Variants in ADGRV1 observed in about 807,000 individuals in gnomAD.
The protein encoded by ADGRV1 is G-protein coupled receptor 98.
In ADGRV1, 359 loss-of-function variants were observed where a neutral mutation model predicts 596.2. That is an observed-to-expected ratio of 0.60 (90% confidence interval 0.55 to 0.66). The LOEUF (loss-of-function observed/expected upper bound fraction) is 0.66. ADGRV1 is among the 30% of genes least tolerant of loss of function. The pLI is 0.00. For missense variants in ADGRV1, 7,274 were observed against 7,575.6 expected (o/e 0.96, Z 1.48); for synonymous variants, 2,681 against 2,679.2 (o/e 1.00, Z -0.02).
At chr5:90,702,130 C>T (rs2149679186) in intron 34 of ADGRV1, among the ~76,000 whole-genome samples, 1 of 151,016 alleles carries the variant, frequency 6.6e-6, no homozygotes, top group Middle Eastern at 3.4e-3. Flanking sequence ...TCCAAACTTG[C>T]TCTATAAGAA....
chr5:90,963,480 T>G (rs1249171407), intron 83 of ADGRV1, among the ~76,000 whole-genome samples: 1 of 152,160 alleles, frequency 6.6e-6, no homozygotes, highest in Non-Finnish European at 1.5e-5. Flanking sequence ...GTGGACTTTT[T>G]TTTTAAGGGA....
At chr5:91,125,371 C>A (rs1198666757) in intron 87 of ADGRV1, among the ~76,000 whole-genome samples, 1 of 152,196 alleles carries the variant, frequency 6.6e-6, no homozygotes, top group African/African-American at 2.4e-5. Flanking sequence ...ATTACTATTA[C>A]TTCCTTGAAA....
intron 1 of ADGRV1, among the ~76,000 whole-genome samples, chr5:90,570,477 G>A (rs917058250): frequency 1.3e-5 from 2 of 151,992 alleles, no homozygotes; most frequent in East Asian, 3.8e-4. Context: ...ATCAGATTTG[G>A]GAAGCCTTCA....
At chr5:91,022,596 A>G (rs1398389104) in intron 85 of ADGRV1, among the ~76,000 whole-genome samples, 2 of 151,956 alleles carry the variant, frequency 1.3e-5, no homozygotes, top group African/African-American at 4.8e-5. Context: ...TATTTATGTA[A>G]CTCCTGTAAT....
At chr5:90,946,421 A>G (rs907524847) in intron 83 of ADGRV1, among the ~76,000 whole-genome samples, 2 of 152,164 alleles carry the variant, frequency 1.3e-5, no homozygotes, top group African/African-American at 2.4e-5. Context: ...TCATTTTGCA[A>G]TATCTGTGTG....
intron 85 of ADGRV1, among the ~76,000 whole-genome samples, chr5:91,005,070 CTAAATT>C (rs1417965389): frequency 3.3e-5 from 5 of 152,142 alleles, no homozygotes; most frequent in Non-Finnish European, 5.9e-5. Context: ...CAACCCTACA[CTAAATT>C]TAAGTGGATA....
chr5:90,832,169 G>A (rs1306919361), intron 77 of ADGRV1, among the ~76,000 whole-genome samples: 2 of 152,026 alleles, frequency 1.3e-5, no homozygotes, highest in Non-Finnish European at 2.9e-5. Context: ...AGTTTTCTGA[G>A]GAATCTCCAA....
rs150534897 is a variant in ADGRV1, at chr5:90,581,510, A to G, written c.22+22593A>G. Among the ~76,000 whole-genome samples the G allele has an allele frequency of 9.2e-4, 140 of 152,280 alleles. 3 individuals are homozygous for G. The East Asian group carries it at 0.016, about 17-fold the overall frequency. ...TTGTGAGTTTTCCTTCTAACAGTCA[A>G]GTCCCTCATCTGCAGGTCAATTGGA... is the stretch of plus-strand genomic sequence containing the variant. On this transcript the variant is annotated intron_variant, in intron 1 of 89. Transcript: ENST00000405460.
chr5:90,636,092 A>G (rs1466818738), intron 10 of ADGRV1, among the ~76,000 whole-genome samples: 1 of 152,012 alleles, frequency 6.6e-6, no homozygotes, highest in Non-Finnish European at 1.5e-5. Context: ...TATATATACA[A>G]TATATGTAAA....
chr5:91,089,117 G>A (rs1790160067), intron 86 of ADGRV1, among the ~76,000 whole-genome samples: 1 of 151,838 alleles, frequency 6.6e-6, no homozygotes, highest in Admixed American at 6.6e-5. Flanking sequence ...TGTTTAAAAG[G>A]GTAATAATAA....
intron 86 of ADGRV1, among the ~76,000 whole-genome samples, chr5:91,078,814 C>A (rs1344320070): frequency 2.6e-5 from 4 of 152,160 alleles, no homozygotes; most frequent in Non-Finnish European, 5.9e-5. Flanking sequence ...ACCTGCCTAG[C>A]CCAGATTGCA....
intron 85 of ADGRV1, among the ~76,000 whole-genome samples, chr5:91,028,308 G>C (rs1784186841): frequency 6.6e-6 from 1 of 151,912 alleles, no homozygotes; most frequent in South Asian, 2.1e-4. Flanking sequence ...GACCCCGTAG[G>C]AGCAAAGGTG....
At chr5:90,789,210 G>A (rs1759805975) in intron 68 of ADGRV1, among the ~76,000 whole-genome samples, 1 of 152,108 alleles carries the variant, frequency 6.6e-6, no homozygotes, top group Non-Finnish European at 1.5e-5. Flanking sequence ...TCAGCTGATT[G>A]TAAGTATTCA....
chr5:90,796,533 A>G (rs1359028298), intron 70 of ADGRV1, among the ~76,000 whole-genome samples: 1 of 152,224 alleles, frequency 6.6e-6, no homozygotes, highest in Non-Finnish European at 1.5e-5. Flanking sequence ...AATGGAACCA[A>G]GTTGGAAAAC....
intron 85 of ADGRV1, among the ~76,000 whole-genome samples, chr5:91,000,497 G>A (rs1005147270): frequency 7.9e-5 from 12 of 152,190 alleles, no homozygotes; most frequent in Admixed American, 1.3e-4. Flanking sequence ...ATTTACAATC[G>A]TAACATTTTT....
intron 85 of ADGRV1, among the ~76,000 whole-genome samples, chr5:90,986,593 C>T (rs1021407500): frequency 1.4e-4 from 22 of 152,054 alleles, no homozygotes; most frequent in African/African-American, 4.8e-4. Context: ...ACACAATACA[C>T]ACACTAATAT....
At chr5:90,977,152 A>C (rs1221438125) in intron 84 of ADGRV1, among the ~76,000 whole-genome samples, 1 of 152,214 alleles carries the variant, frequency 6.6e-6, no homozygotes, top group Admixed American at 6.5e-5. Context: ...TATTAAGGAC[A>C]ACAGACTGGG....
chr5:90,880,636 A>G (rs1352444889), intron 83 of ADGRV1, among the ~76,000 whole-genome samples: 1 of 152,188 alleles, frequency 6.6e-6, no homozygotes, highest in Non-Finnish European at 1.5e-5. Context: ...TTTACTTTCC[A>G]GTTTTTGATG....
intron 70 of ADGRV1, among the ~76,000 whole-genome samples, chr5:90,801,049 C>A (rs1472825068): frequency 6.6e-6 from 1 of 151,860 alleles, no homozygotes; most frequent in Non-Finnish European, 1.5e-5. Context: ...TGCACATGCA[C>A]CCTAGAACTT....
Sources: allele counts gnomAD v4.1 joint callset (sites outside exome capture counted in the v4.1 genomes callset), GRCh38; gene constraint gnomAD v4.1.1; transcripts MANE v1.5; gene names NCBI Gene and HGNC (gene_info 2026-07-23, HGNC 2026-07-21).